Variants in TBC1D16 observed in about 807,000 individuals in gnomAD.
TBC1D16 encodes the protein TBC1 domain family member 16, also known as CTD-2529O21.1.
Under a neutral mutation model 74.7 loss-of-function variants are expected in TBC1D16, and 58 were observed. The ratio of observed to expected loss-of-function variants is 0.78; its 90% CI spans 0.63 to 0.97. The LOEUF (loss-of-function observed/expected upper bound fraction) is 0.97. Among genes scored for constraint, TBC1D16 ranks in the 50% least tolerant of loss-of-function variants. The pLI, the probability that TBC1D16 is intolerant of heterozygous loss-of-function variation, is 0.00. For synonymous variants in TBC1D16, 493 were observed against 474.7 expected, an observed-to-expected ratio of 1.04 and a Z score of -0.50; for missense variants, 1,014 against 1,079.5, an observed-to-expected ratio of 0.94 and a Z score of 0.85.
Position 79,947,524 on chromosome 17 carries a change from C to T in TBC1D16, c.1728+121G>A, listed in dbSNP as rs76245837. The T allele has an allele frequency of 4.8e-3, 5,307 of 1,111,488 alleles. 156 individuals carry two copies. The African/African-American group carries it at 0.071, about 15-fold the overall frequency. The allele number at this position is 1,111,488 out of a possible 1,614,324, so 68.9% of individuals were successfully genotyped here. A position where few individuals can be genotyped will look rare whatever the true frequency, so the allele number is the denominator to read the frequency against. On this transcript the variant is annotated intron_variant, in intron 9 of 11. Coordinates refer to ENST00000310924, the MANE Select transcript of TBC1D16 (RefSeq NM_019020.4). ...CACGGGCAAGTCCTATCCTGGCGTT[C>T]CCACTGCCCACTGACCTACAGCAGC...
chr17:79,972,185 T>A (rs1253499487), intron 3 of TBC1D16, among the ~76,000 whole-genome samples: 1 of 152,126 alleles, frequency 6.6e-6, no homozygotes, highest in Non-Finnish European at 1.5e-5. Flanking sequence ...TCTTTTTTTT[T>A]CTTCCCCCTG....
chr17:80,032,633 G>C (rs182454101), intron 1 of TBC1D16, among the ~76,000 whole-genome samples: 1 of 152,194 alleles, frequency 6.6e-6, no homozygotes, highest in Non-Finnish European at 1.5e-5. Context: ...TGAGGTGAAC[G>C]GAAAAAGGCC....
At position 79,944,200 on chromosome 17, in the gene TBC1D16, G is replaced by T; in HGVS notation, c.1908+708C>A. ...TCTTCAGGGTTCTCTGACGGAGGCTGCTGGAGCTGCCGTGGTGGATAGAGC... is the reference window on the plus strand; with the variant it reads ...TCTTCAGGGTTCTCTGACGGAGGCTTCTGGAGCTGCCGTGGTGGATAGAGC... On this transcript the variant is annotated intron_variant, in intron 10 of 11. Coordinates refer to ENST00000310924, the MANE Select transcript of TBC1D16 (RefSeq NM_019020.4). This position sits in a 1 kb window ranked among gnomAD's most constrained non-coding sequence, Gnocchi z 7.7. 6.7e-7 allele frequency: 1 copy of T among 1,489,460 alleles called. No individual in the cohort carries two copies. Among genetic ancestry groups the T allele is most frequent in the Non-Finnish European group, 9.0e-7 (1 of 1,105,198 alleles). The allele number at this position is 1,489,460 out of a possible 1,614,324, so 92.3% of individuals were successfully genotyped here.
intron 1 of TBC1D16, among the ~76,000 whole-genome samples, chr17:80,034,381 G>A (rs1168314475): frequency 7.5e-6 from 1 of 133,832 alleles, no homozygotes; most frequent in Non-Finnish European, 1.7e-5. Context: ...TGTATTTTTA[G>A]TAGATATGGG....
chr17:79,964,341 A>G (rs911298936), intron 3 of TBC1D16, among the ~76,000 whole-genome samples: 2 of 152,186 alleles, frequency 1.3e-5, no homozygotes, highest in African/African-American at 4.8e-5. Flanking sequence ...ATTCCTTATT[A>G]AACATACATG....
At chr17:80,024,520 A>C (rs200550501) in intron 1 of TBC1D16, among the ~76,000 whole-genome samples, 1 of 106,146 alleles carries the variant, frequency 9.4e-6, no homozygotes. Context: ...CAAACCACGC[A>C]CACCATGCAC....
intron 3 of TBC1D16, among the ~76,000 whole-genome samples, chr17:79,970,711 A>C (rs1195868259): frequency 6.6e-6 from 1 of 152,156 alleles, no homozygotes; most frequent in East Asian, 1.9e-4. Context: ...CGGCCACTCT[A>C]GAGAGGTGGA....
intron 1 of TBC1D16, among the ~76,000 whole-genome samples, chr17:80,030,746 A>G (rs948785555): frequency 2.6e-5 from 4 of 152,112 alleles, no homozygotes; most frequent in African/African-American, 9.7e-5. Context: ...GCCCATGCCC[A>G]CTAGTGACAG....
rs1472895530 is a variant in TBC1D16 at position 80,019,923 on chromosome 17, G to T, written c.-62-6314C>A. Among the ~76,000 whole-genome samples the T allele has an allele frequency of 1.3e-5, 2 of 149,904 alleles. 1 individual carries two copies. Among genetic ancestry groups the T allele is most frequent in the African/African-American group, 5.1e-5 (2 of 39,332 alleles). ...TTGAAGTACATCCCCTAAAATTCCTGTGTTGAAGTCTTAAACCCCAGTACC... is the reference window on the plus strand; with the variant it reads ...TTGAAGTACATCCCCTAAAATTCCTTTGTTGAAGTCTTAAACCCCAGTACC... On this transcript the variant is annotated intron_variant, in intron 1 of 11. Coordinates refer to ENST00000310924, the MANE Select transcript of TBC1D16 (RefSeq NM_019020.4).
At chr17:79,947,585 C>G (rs1451565359) in intron 9 of TBC1D16, 60 bp downstream of exon 9, 9 of 1,576,744 alleles carry the variant, frequency 5.7e-6, no homozygotes, top group African/African-American at 1.3e-5. Context: ...CCGGCTACAA[C>G]GGGAGAGGCA....
chr17:80,019,489 G>A (rs1252561361), intron 1 of TBC1D16, among the ~76,000 whole-genome samples: 1 of 144,874 alleles, frequency 6.9e-6, no homozygotes, highest in Non-Finnish European at 1.5e-5. Flanking sequence ...GCTCTTTTTG[G>A]AGAAATGGAG....
At chr17:80,034,575 C>T (rs974964936) in intron 1 of TBC1D16, among the ~76,000 whole-genome samples, 1 of 152,176 alleles carries the variant, frequency 6.6e-6, no homozygotes, top group East Asian at 1.9e-4. Context: ...AAAAAATATG[C>T]GCACAATAAC....
intron 3 of TBC1D16, among the ~76,000 whole-genome samples, chr17:79,964,567 T>C (rs1413311587): frequency 2.0e-5 from 3 of 152,204 alleles, no homozygotes; most frequent in Non-Finnish European, 4.4e-5. Context: ...GTTCATTATC[T>C]TGATTGTGAT....
At position 79,944,950 on chromosome 17, in the gene TBC1D16, G is replaced by C; in HGVS notation, c.1866C>G (p.Ala622=). The change falls in exon 10 of 12, where the codon GCC becomes GCG. Residue 622 remains alanine, a synonymous_variant. Coordinates refer to ENST00000310924, the MANE Select transcript of TBC1D16 (RefSeq NM_019020.4). The surrounding 1 kb of genome is among the most constrained non-coding windows in gnomAD (Gnocchi z 7.7). ...AGGCCTCCCAGATCCGCAGCGCTTC[G>C]GCCTCGGGGAACTCCCGCTTGAAGC... The part of the protein sequence containing the change: ...LLCFKREFPE[A]EALRIWEACW... 1 of 1,554,954 alleles carries C rather than the reference G, an allele frequency of 6.4e-7. No individual in the cohort carries two copies. The highest frequency in any genetic ancestry group is 2.4e-5 in the East Asian group (1 of 41,654).
chr17:80,011,490 G>A (rs965652870), intron 2 of TBC1D16, among the ~76,000 whole-genome samples: 1 of 152,136 alleles, frequency 6.6e-6, no homozygotes, highest in Non-Finnish European at 1.5e-5. Context: ...TTACAGCACT[G>A]TTAGGAGGGA....
At chr17:79,965,640 C>G (rs1338617221) in intron 3 of TBC1D16, among the ~76,000 whole-genome samples, 1 of 152,090 alleles carries the variant, frequency 6.6e-6, no homozygotes, top group Non-Finnish European at 1.5e-5. Context: ...TCAGAATGGC[C>G]CACAGCAGGG....
intron 8 of TBC1D16, 134 bp downstream of exon 8, chr17:79,948,738 T>G: frequency 8.1e-7 from 1 of 1,228,436 alleles, no homozygotes; most frequent in Non-Finnish European, 1.2e-6. Flanking sequence ...TATCCTTCAC[T>G]TCTGGGGCTT....
intron 1 of TBC1D16, among the ~76,000 whole-genome samples, chr17:80,017,587 G>A (rs754693613): frequency 2.0e-5 from 3 of 151,038 alleles, no homozygotes; most frequent in African/African-American, 4.9e-5. Flanking sequence ...AGGCTCAAGC[G>A]GGAGAATCGC....
intron 1 of TBC1D16, among the ~76,000 whole-genome samples, chr17:80,033,715 G>A (rs2143484299): frequency 6.6e-6 from 1 of 152,268 alleles, no homozygotes; most frequent in Middle Eastern, 3.4e-3. Flanking sequence ...CTTAACCACT[G>A]CACCTTATTA....
Sources: gnomAD v4.1 joint callset for allele counts (sites outside exome capture counted in the v4.1 genomes callset) on GRCh38, gnomAD v4.1.1 for gene constraint, Gnocchi (gnomAD v3.1) non-coding constraint, MANE v1.5 for transcripts, NCBI Gene and HGNC (gene_info 2026-07-23, HGNC 2026-07-21) for gene names.